The following KIF26B variants were observed in gnomAD, a reference collection of about 807,000 sequenced individuals.
KIF26B encodes kinesin-like protein KIF26B.
KIF26B carries 63 observed loss-of-function variants against 151.2 expected under a neutral mutation model. The ratio of observed to expected loss-of-function variants is 0.42; its 90% confidence interval spans 0.34 to 0.51. KIF26B has a LOEUF of 0.51. Ranked by LOEUF, KIF26B falls within the 20% of genes least tolerant of loss-of-function variation. The pLI, the probability that KIF26B is intolerant of heterozygous loss-of-function variation, is 0.07. For synonymous variants in KIF26B, 1,357 were observed against 1,262.1 expected, an observed-to-expected ratio of 1.08 and a Z score of -1.59; for missense variants, 2,813 against 2,913.6, an observed-to-expected ratio of 0.97 and a Z score of 0.79.
chr1:245,194,874 G>A (rs185265122), intron 2 of KIF26B, among the ~76,000 whole-genome samples: 23 of 152,224 alleles, frequency 1.5e-4, no homozygotes, highest in African/African-American at 5.3e-4. Flanking sequence ...TGAAGTACAT[G>A]TGTATGGGGG....
intron 4 of KIF26B, among the ~76,000 whole-genome samples, chr1:245,459,412 G>A (rs754099772): frequency 6.6e-4 from 101 of 152,152 alleles, no homozygotes; most frequent in Non-Finnish European, 1.1e-3. Flanking sequence ...TTGTTTTTTG[G>A]AATCTTTCTA....
At chr1:245,644,955 G>A (rs1313585417) in intron 9 of KIF26B, among the ~76,000 whole-genome samples, 2 of 152,268 alleles carry the variant, frequency 1.3e-5, no homozygotes, top group East Asian at 1.9e-4. Flanking sequence ...GGAAGCTTAC[G>A]ATGATGGTGG....
intron 6 of KIF26B, among the ~76,000 whole-genome samples, chr1:245,603,559 C>A (rs1279527418): frequency 6.6e-6 from 1 of 152,128 alleles, no homozygotes; most frequent in Non-Finnish European, 1.5e-5. Flanking sequence ...ACACCATAGG[C>A]ACATGTCTTT....
chr1:245,307,381 T>A (rs936419565), intron 2 of KIF26B, among the ~76,000 whole-genome samples: 1 of 151,456 alleles, frequency 6.6e-6, no homozygotes, highest in African/African-American at 2.4e-5. Flanking sequence ...GTTCCTTGGC[T>A]CCTCTGCTAA....
intron 5 of KIF26B, among the ~76,000 whole-genome samples, chr1:245,577,676 G>A (rs1470269521): frequency 6.7e-6 from 1 of 150,010 alleles, no homozygotes; most frequent in Non-Finnish European, 1.5e-5. Context: ...CTCACCGGAA[G>A]AGCTTTGTGG....
intron 5 of KIF26B, among the ~76,000 whole-genome samples, chr1:245,567,125 T>G (rs140781079): frequency 1.3e-5 from 2 of 152,158 alleles, no homozygotes; most frequent in South Asian, 2.1e-4. Flanking sequence ...GTGGCTCCTG[T>G]CTTAGGACAG....
At chr1:245,430,596 G>A (rs1175899933) in intron 4 of KIF26B, among the ~76,000 whole-genome samples, 1 of 152,176 alleles carries the variant, frequency 6.6e-6, no homozygotes, top group Non-Finnish European at 1.5e-5. Context: ...GAGCCCGGGA[G>A]GTTGAGGCTG....
At chr1:245,651,973 A>G in intron 10 of KIF26B, among the ~76,000 whole-genome samples, 1 of 152,168 alleles carries the variant, frequency 6.6e-6, no homozygotes, top group African/African-American at 2.4e-5. Flanking sequence ...GCTCTTCCTC[A>G]GGACTTGGAT....
chr1:245,320,527 A>G (rs1671867488), intron 2 of KIF26B, among the ~76,000 whole-genome samples: 1 of 152,166 alleles, frequency 6.6e-6, no homozygotes, highest in East Asian at 1.9e-4. Context: ...TGTCTTGTAC[A>G]TTGTATGAGT....
At chr1:245,403,433 A>G (rs955526382) in intron 3 of KIF26B, among the ~76,000 whole-genome samples, 1 of 152,174 alleles carries the variant, frequency 6.6e-6, no homozygotes, top group Non-Finnish European at 1.5e-5. Flanking sequence ...GTGCCTTTAT[A>G]TATTTCATAA....
At chr1:245,600,104 T>C (rs983117294) in intron 5 of KIF26B, among the ~76,000 whole-genome samples, 26 of 146,790 alleles carry the variant, frequency 1.8e-4, no homozygotes, top group African/African-American at 5.9e-4. Flanking sequence ...AATGGCGTGA[T>C]CTTGGCTCAC....
intron 4 of KIF26B, among the ~76,000 whole-genome samples, chr1:245,485,415 G>A (rs1402602578): frequency 1.6e-5 from 2 of 126,222 alleles, no homozygotes; most frequent in East Asian, 4.6e-4. Flanking sequence ...ACAAAGTTTC[G>A]CTCTGTCACC....
intron 4 of KIF26B, among the ~76,000 whole-genome samples, chr1:245,472,389 TCCCTTATTCAGAA>T (rs1476079053): frequency 6.6e-6 from 1 of 152,218 alleles, no homozygotes; most frequent in Non-Finnish European, 1.5e-5. Flanking sequence ...ATCTGAAATA[TCCCTTATTCAGAA>T]CACTTGAAAC....
At chr1:245,549,978 C>T (rs1661839319) in intron 5 of KIF26B, among the ~76,000 whole-genome samples, 1 of 152,162 alleles carries the variant, frequency 6.6e-6, no homozygotes, top group South Asian at 2.1e-4. Flanking sequence ...GGGGTTTCAC[C>T]ATGTTGGCCA....
At chr1:245,562,210 G>A (rs1185132507) in intron 5 of KIF26B, among the ~76,000 whole-genome samples, 3 of 152,156 alleles carry the variant, frequency 2.0e-5, no homozygotes, top group Non-Finnish European at 4.4e-5. Flanking sequence ...GGAGGGTAGG[G>A]AAGGTCACAA....
chr1:245,299,638 G>A (rs1388217747), intron 2 of KIF26B, among the ~76,000 whole-genome samples: 4 of 152,110 alleles, frequency 2.6e-5, no homozygotes, highest in African/African-American at 9.7e-5. Flanking sequence ...ATGAGGAAAC[G>A]GAGGCTCAGA....
intron 2 of KIF26B, among the ~76,000 whole-genome samples, chr1:245,247,087 C>T (rs1232181847): frequency 2.6e-5 from 4 of 152,100 alleles, no homozygotes; most frequent in Non-Finnish European, 5.9e-5. Context: ...GAGTGTAAAT[C>T]ACTTAGTTTT....
chr1:245,468,235 T>G (rs1415629586), intron 4 of KIF26B, among the ~76,000 whole-genome samples: 1 of 152,194 alleles, frequency 6.6e-6, no homozygotes, highest in South Asian at 2.1e-4. Flanking sequence ...CCAGTGACTC[T>G]TAGATGGAAA....
rs1159481324 is a variant in KIF26B at position 245,560,503 on chromosome 1, C to T, written c.1350+19553C>T. ...GATTCAGAGATTACTGGGTGTTGAT[C>T]TCCTTATGATACTCTCGGTTCCTAA... On this transcript the variant is annotated intron_variant, in intron 5 of 14. Coordinates refer to ENST00000407071, the MANE Select transcript of KIF26B (RefSeq NM_018012.4). This position sits in a 1 kb window ranked among gnomAD's most constrained non-coding sequence, Gnocchi z 4.3. 6.6e-6 allele frequency among the ~76,000 whole-genome samples: 1 copy of T among 152,028 alleles called. No homozygotes were observed. Among genetic ancestry groups the T allele is most frequent in the African/African-American group, 2.4e-5 (1 of 41,378 alleles).
Sources: gnomAD v4.1 joint callset for allele counts (sites outside exome capture counted in the v4.1 genomes callset) on GRCh38, gnomAD v4.1.1 for gene constraint, Gnocchi (gnomAD v3.1) non-coding constraint, MANE v1.5 for transcripts, NCBI Gene and HGNC (gene_info 2026-07-23, HGNC 2026-07-21) for gene names.